Variants in SETD5 observed in about 807,000 individuals in gnomAD.
The protein encoded by SETD5 is SET domain containing 5, also known as histone-lysine N-methyltransferase SETD5.
Under a neutral mutation model 153.3 loss-of-function variants are expected in SETD5, and 44 were observed. The observed-to-expected ratio is 0.29, with a 90% CI of 0.23 to 0.37. The LOEUF (loss-of-function observed/expected upper bound fraction) is 0.37, where lower values mean the gene tolerates loss of function less well. Ranked by LOEUF, SETD5 falls within the 10% of genes least tolerant of loss-of-function variation. The pLI is 1.00. For synonymous variants in SETD5, 716 were observed against 645.2 expected, an observed-to-expected ratio of 1.11 and a Z score of -1.66; for missense variants, 1,544 against 1,768.0, an observed-to-expected ratio of 0.87 and a Z score of 2.27.
chr3:9,462,560 C>G lies in SETD5; in HGVS notation c.2477-1865C>G, dbSNP rs1442797064. Among the ~76,000 whole-genome samples the G allele has an allele frequency of 3.5e-5, 5 of 143,378 alleles. No individual in the cohort carries two copies. The East Asian group carries it at 1.0e-3, about 30-fold the overall frequency. The allele number at this position is 143,378 out of a possible 152,430, so 94.1% of individuals were successfully genotyped here. A position where few individuals can be genotyped will look rare whatever the true frequency, so the allele number is the denominator to read the frequency against. Reference sequence around the variant, plus strand: ...CGAGATCGTGCCGCTGCACTCCAGCCTAGGTGACAGAGCAAGAGTCCGTCT... The same window carrying G: ...CGAGATCGTGCCGCTGCACTCCAGCGTAGGTGACAGAGCAAGAGTCCGTCT... On this transcript the variant is annotated intron_variant, in intron 17 of 22. Transcript: ENST00000402198.
At chr3:9,401,000 AT>A (rs1421699739) in intron 1 of SETD5, among the ~76,000 whole-genome samples, 1 of 152,218 alleles carries the variant, frequency 6.6e-6, no homozygotes, top group Non-Finnish European at 1.5e-5. Context: ...TTCTCTCAGA[AT>A]TTTGATTTGT....
intron 16 of SETD5, 44 bp downstream of exon 16, chr3:9,448,674 G>A (rs748872599): frequency 2.8e-6 from 4 of 1,447,076 alleles, no homozygotes; most frequent in African/African-American, 1.4e-5. Flanking sequence ...ATGTGTGTGT[G>A]CTTTATTTTT....
chr3:9,401,266 T>G (rs2034727879), intron 1 of SETD5, among the ~76,000 whole-genome samples: 1 of 152,256 alleles, frequency 6.6e-6, no homozygotes. Context: ...TCATGTATAC[T>G]GGCTGTTTGA....
At chr3:9,421,265 A>G (rs2038350438) in intron 1 of SETD5, among the ~76,000 whole-genome samples, 1 of 152,082 alleles carries the variant, frequency 6.6e-6, no homozygotes, top group Non-Finnish European at 1.5e-5. Context: ...GCTAGAACTC[A>G]AGTCTCCTAA....
intron 2 of SETD5, among the ~76,000 whole-genome samples, chr3:9,425,578 T>G (rs1370603213): frequency 6.7e-6 from 1 of 148,636 alleles, no homozygotes; most frequent in Non-Finnish European, 1.5e-5. Flanking sequence ...AACTGTACTT[T>G]TTTTTTTTTT....
Position 9,476,099 on chromosome 3 carries a change from G to C in SETD5, c.*8G>C, listed in dbSNP as rs1329713055. 1.2e-6 allele frequency: 2 copies of C among 1,609,596 alleles called. No homozygotes were observed. The highest frequency in any genetic ancestry group is 2.7e-5 in the African/African-American group (2 of 74,784). The stretch of plus-strand genomic sequence containing the variant: ...CAGACGGGACTTTCCTAGGGCTTCT[G>C]GATTTGGGCAAACAGAACTGAATGA... On this transcript the variant is annotated 3_prime_UTR_variant, in exon 23 of 23. Coordinates refer to ENST00000402198, the MANE Select transcript of SETD5 (RefSeq NM_001080517.3).
chr3:9,413,608 G>T (rs2036926510), intron 1 of SETD5, among the ~76,000 whole-genome samples: 1 of 150,292 alleles, frequency 6.7e-6, no homozygotes, highest in South Asian at 2.1e-4. Flanking sequence ...CCTTATGGGA[G>T]TAATTTGTAA....
chr3:9,445,965 G>GTTTTTTTTTTT (rs376821559), intron 13 of SETD5, among the ~76,000 whole-genome samples: 8 of 86,474 alleles, frequency 9.3e-5, no homozygotes, highest in African/African-American at 3.7e-4. Context: ...TGAAGAGGTT[G>GTTTTTTTTTTT]TTTTTTTTTT....
chr3:9,457,442 G>A (rs951157372), intron 17 of SETD5, among the ~76,000 whole-genome samples: 16 of 151,648 alleles, frequency 1.1e-4, no homozygotes, highest in South Asian at 4.2e-4. Context: ...AGCTGAGATC[G>A]CGCCACTGCA....
chr3:9,449,847 C>G (rs1429022036), intron 16 of SETD5, among the ~76,000 whole-genome samples: 1 of 152,134 alleles, frequency 6.6e-6, no homozygotes, highest in Non-Finnish European at 1.5e-5. Flanking sequence ...GGGAAACGCT[C>G]GTAGAATTCC....
chr3:9,470,291 G>A lies in SETD5; in HGVS notation c.2725-168G>A, dbSNP rs62246320. Reference sequence around the variant, plus strand: ...AGGATTCTTTAGTACTCTGGCCCATGTACACTGTTGCTACGTGGGACTTTT... The same window carrying A: ...AGGATTCTTTAGTACTCTGGCCCATATACACTGTTGCTACGTGGGACTTTT... On this transcript the variant is annotated intron_variant, in intron 18 of 22. Transcript: ENST00000402198. Among the ~76,000 whole-genome samples, 11,341 of 152,232 alleles carry A rather than the reference G, an allele frequency of 0.074. 554 individuals are homozygous for A. The highest frequency in any genetic ancestry group is 0.13 in the Middle Eastern group (37 of 294).
chr3:9,452,307 A>G (rs951312972), intron 16 of SETD5, among the ~76,000 whole-genome samples: 2 of 152,206 alleles, frequency 1.3e-5, no homozygotes, highest in Non-Finnish European at 2.9e-5. Flanking sequence ...AGGTGGCCAT[A>G]ACAAAAGATT....
intron 18 of SETD5, among the ~76,000 whole-genome samples, chr3:9,467,338 G>A (rs895224940): frequency 6.6e-6 from 1 of 151,960 alleles, no homozygotes; most frequent in Non-Finnish European, 1.5e-5. Flanking sequence ...ATAAACAGTG[G>A]AAGAGAACAA....
intron 18 of SETD5, among the ~76,000 whole-genome samples, chr3:9,465,517 G>T (rs1357449104): frequency 6.6e-6 from 1 of 152,136 alleles, no homozygotes; most frequent in Non-Finnish European, 1.5e-5. Context: ...CTGCTGCTCT[G>T]CCCCCTTGTT....
chr3:9,434,956 C>G lies in SETD5; in HGVS notation c.388+74C>G, dbSNP rs969529190. 11 of 1,534,194 alleles carry G rather than the reference C, an allele frequency of 7.2e-6. No homozygotes were observed. The highest frequency in any genetic ancestry group is 6.8e-5 in the African/African-American group (5 of 73,194). On this transcript the variant is annotated intron_variant, in intron 6 of 22. Coordinates refer to ENST00000402198, the MANE Select transcript of SETD5 (RefSeq NM_001080517.3). This position sits in a 1 kb window ranked among gnomAD's most constrained non-coding sequence, Gnocchi z 5.6. ...TGATCTGAATGTTCATTTTAAGAAC[C>G]CCTCTTGGCCAGGCGCAGTGGCTTA...
At position 9,435,480 on chromosome 3, in the gene SETD5, G is replaced by A. The variant is rs953310013; in HGVS notation, c.389-248G>A. On this transcript the variant is annotated intron_variant, in intron 6 of 22. Coordinates refer to ENST00000402198, the MANE Select transcript of SETD5 (RefSeq NM_001080517.3). ...TCAAATTGTTATAGATTGAGTCAGC[G>A]AAGCTTAGGGACTGAATACAAGGGG... Among the ~76,000 whole-genome samples the A allele has an allele frequency of 3.9e-5, 6 of 152,170 alleles. No individual in the cohort carries two copies. In the South Asian group the frequency reaches 6.2e-4, roughly 16 times the overall value.
chr3:9,418,752 G>A (rs2037928419), intron 1 of SETD5, among the ~76,000 whole-genome samples: 1 of 151,242 alleles, frequency 6.6e-6, no homozygotes, highest in Admixed American at 6.6e-5. Context: ...GCAGTGAGCT[G>A]AGATCCTGCC....
At chr3:9,470,050 G>A (rs955798600) in intron 18 of SETD5, among the ~76,000 whole-genome samples, 4 of 152,048 alleles carry the variant, frequency 2.6e-5, no homozygotes, top group African/African-American at 7.2e-5. Context: ...AACCCCGGAA[G>A]CCAGTTATCT....
chr3:9,469,333 A>G (rs1299284953), intron 18 of SETD5, among the ~76,000 whole-genome samples: 1 of 152,222 alleles, frequency 6.6e-6, no homozygotes. Context: ...TTTCAGATTT[A>G]GTAACATTAA....
Sources: gnomAD v4.1 joint callset for allele counts (sites outside exome capture counted in the v4.1 genomes callset) on GRCh38, gnomAD v4.1.1 for gene constraint, Gnocchi (gnomAD v3.1) non-coding constraint, MANE v1.5 for transcripts, NCBI Gene and HGNC (gene_info 2026-07-23, HGNC 2026-07-21) for gene names.